RFX7: variants seen among roughly 807,000 people sequenced by gnomAD.
RFX7 encodes regulatory factor X7, also known as DNA-binding protein RFX7.
A neutral mutation model predicts 111.8 loss-of-function variants in RFX7; 26 were observed. The ratio of observed to expected loss-of-function variants is 0.23; its 90% CI spans 0.17 to 0.32. The LOEUF (loss-of-function observed/expected upper bound fraction) is 0.32, where lower values mean the gene tolerates loss of function less well. RFX7 is among the 10% of genes least tolerant of loss of function. The pLI, the probability that RFX7 is intolerant of heterozygous loss-of-function variation, is 1.00. For synonymous variants in RFX7, 624 were observed against 624.4 expected, an observed-to-expected ratio of 1.00 and a Z score of 0.01; for missense variants, 1,573 against 1,772.9, an observed-to-expected ratio of 0.89 and a Z score of 2.02.
At chr15:56,226,440 A>T (rs1459617188) in intron 2 of RFX7, among the ~76,000 whole-genome samples, 2 of 152,164 alleles carry the variant, frequency 1.3e-5, no homozygotes, top group Non-Finnish European at 2.9e-5. Context: ...AAAAGCAAGA[A>T]ATACCTTTGG....
intron 2 of RFX7, among the ~76,000 whole-genome samples, chr15:56,209,320 C>T (rs2043287718): frequency 6.7e-6 from 1 of 149,476 alleles, no homozygotes; most frequent in Admixed American, 6.7e-5. Context: ...AGAATACTAA[C>T]ACCTGCAAAA....
chr15:56,099,825 T>C (rs2041729737), intron 8 of RFX7, among the ~76,000 whole-genome samples: 2 of 152,228 alleles, frequency 1.3e-5, no homozygotes, highest in Admixed American at 1.3e-4. Context: ...TTAATATATG[T>C]AATTTTTAAT....
intron 2 of RFX7, among the ~76,000 whole-genome samples, chr15:56,207,388 G>C (rs1198431877): frequency 2.6e-5 from 4 of 152,114 alleles, no homozygotes; most frequent in African/African-American, 9.7e-5. Flanking sequence ...TGTACTTAAT[G>C]CTACTGAACT....
chr15:56,219,328 T>C (rs951596284), intron 2 of RFX7, among the ~76,000 whole-genome samples: 5 of 152,228 alleles, frequency 3.3e-5, no homozygotes, highest in Admixed American at 1.3e-4. Flanking sequence ...TAGTGTTTGC[T>C]TAGTACATGT....
chr15:56,139,918 T>A (rs1448993717), intron 5 of RFX7, among the ~76,000 whole-genome samples: 16 of 152,294 alleles, frequency 1.1e-4, no homozygotes, highest in African/African-American at 3.1e-4. Flanking sequence ...GCCTCCCAGT[T>A]AGGCTGCTCA....
At chr15:56,152,207 T>C (rs1467535037) in intron 3 of RFX7, among the ~76,000 whole-genome samples, 9 of 152,198 alleles carry the variant, frequency 5.9e-5, no homozygotes, top group Non-Finnish European at 1.0e-4. Flanking sequence ...GTGGACCTAA[T>C]AGACATCTAC....
intron 5 of RFX7, among the ~76,000 whole-genome samples, chr15:56,113,547 T>C (rs1432859845): frequency 3.3e-5 from 5 of 152,022 alleles, no homozygotes; most frequent in Middle Eastern, 6.3e-3. Flanking sequence ...AGCTAATGCA[T>C]GAGGGGCTTA....
At chr15:56,221,929 T>C (rs1418671669) in intron 2 of RFX7, among the ~76,000 whole-genome samples, 1 of 152,180 alleles carries the variant, frequency 6.6e-6, no homozygotes, top group Non-Finnish European at 1.5e-5. Context: ...AAAAAAGTCA[T>C]TTATATTCTC....
intron 6 of RFX7, among the ~76,000 whole-genome samples, chr15:56,102,793 C>A (rs879538700): frequency 3.3e-5 from 5 of 152,132 alleles, no homozygotes. Flanking sequence ...TAGAGAACAC[C>A]TGGAACCATT....
intron 5 of RFX7, 21 bp downstream of exon 5, chr15:56,142,757 C>T (rs1001713874): frequency 6.2e-7 from 1 of 1,601,642 alleles, no homozygotes. Context: ...ATCAGCATGC[C>T]ATATTACACA....
At chr15:56,152,121 C>G (rs559540562) in intron 3 of RFX7, among the ~76,000 whole-genome samples, 10 of 152,266 alleles carry the variant, frequency 6.6e-5, no homozygotes, top group Admixed American at 2.0e-4. Flanking sequence ...GACTTTAACA[C>G]CCCACTGTCA....
intron 5 of RFX7, among the ~76,000 whole-genome samples, chr15:56,136,448 A>ATTTT (rs1174635450): frequency 2.8e-5 from 4 of 140,764 alleles, no homozygotes; most frequent in Admixed American, 7.4e-5. Context: ...AATGCTTGTG[A>ATTTT]TTTTTGTACA....
At chr15:56,102,478 T>G (rs1388838078) in intron 6 of RFX7, among the ~76,000 whole-genome samples, 2 of 152,152 alleles carry the variant, frequency 1.3e-5, no homozygotes, top group Non-Finnish European at 2.9e-5. Context: ...CTGTCTTAAA[T>G]GAAAAGATTC....
At chr15:56,174,544 C>T (rs567359421) in intron 3 of RFX7, among the ~76,000 whole-genome samples, 27 of 152,116 alleles carry the variant, frequency 1.8e-4, no homozygotes, top group Admixed American at 1.4e-3. Flanking sequence ...GTCAAGAGAT[C>T]GAGACCATCC....
At chr15:56,223,106 T>G (rs1008145747) in intron 2 of RFX7, among the ~76,000 whole-genome samples, 1 of 152,192 alleles carries the variant, frequency 6.6e-6, no homozygotes, top group Non-Finnish European at 1.5e-5. Context: ...CTCTCCAATT[T>G]AGCTGTTTGA....
chr15:56,231,462 C>T (rs1352414531), intron 2 of RFX7, among the ~76,000 whole-genome samples: 1 of 152,102 alleles, frequency 6.6e-6, no homozygotes, highest in African/African-American at 2.4e-5. Context: ...CTTATAAAAC[C>T]ATTAGATCTC....
chr15:56,223,296 A>C (rs1567052026), intron 2 of RFX7, among the ~76,000 whole-genome samples: 1 of 152,292 alleles, frequency 6.6e-6, no homozygotes, highest in East Asian at 1.9e-4. Context: ...TTCCAGCAGA[A>C]GCCTTACAAA....
At chr15:56,142,637 G>T in intron 5 of RFX7, 141 bp downstream of exon 5, 4 of 712,846 alleles carry the variant, frequency 5.6e-6, no homozygotes, top group Non-Finnish European at 8.9e-6. Context: ...GCTTAGAGCT[G>T]GAATGAATCT....
At chr15:56,188,257 A>G (rs2043062797) in intron 2 of RFX7, among the ~76,000 whole-genome samples, 1 of 152,206 alleles carries the variant, frequency 6.6e-6, no homozygotes, top group Non-Finnish European at 1.5e-5. Flanking sequence ...AGGTCTATTG[A>G]ATGTGAAGAA....
Sources: gnomAD v4.1 joint callset for allele counts (sites outside exome capture counted in the v4.1 genomes callset) on GRCh38, gnomAD v4.1.1 for gene constraint, MANE v1.5 for transcripts, NCBI Gene and HGNC (gene_info 2026-07-23, HGNC 2026-07-21) for gene names.